The following RBFOX1 variants were observed in gnomAD, a reference collection of about 807,000 sequenced individuals.
RBFOX1 encodes RNA binding fox-1 homolog 1.
A neutral mutation model predicts 57.7 loss-of-function variants in RBFOX1; 8 were observed. That is an observed-to-expected ratio of 0.14 (90% CI 0.08 to 0.25). RBFOX1 has a LOEUF of 0.25. Among genes scored for constraint, RBFOX1 ranks in the 10% least tolerant of loss-of-function variants. The pLI, the probability that RBFOX1 is intolerant of heterozygous loss-of-function variation, is 1.00. For synonymous variants in RBFOX1, 326 were observed against 222.4 expected (o/e 1.47, Z -4.15); for missense variants, 611 against 548.5 (o/e 1.11, Z -1.14).
At chr16:6,334,437 G>C (rs1034310133) in intron 2 of RBFOX1, among the ~76,000 whole-genome samples, 4 of 148,070 alleles carry the variant, frequency 2.7e-5, no homozygotes, top group Non-Finnish European at 5.9e-5. Flanking sequence ...GAACCCAGGA[G>C]GTCTAGGTTG....
At chr16:5,833,323 C>T (rs1437784334) in intron 3 of RBFOX1, among the ~76,000 whole-genome samples, 1 of 151,864 alleles carries the variant, frequency 6.6e-6, no homozygotes, top group Admixed American at 6.6e-5. Context: ...GAAACCCCAT[C>T]TCTACTAAAA....
intron 14 of RBFOX1, among the ~76,000 whole-genome samples, chr16:7,700,501 A>C (rs540478717): frequency 6.6e-6 from 1 of 152,284 alleles, no homozygotes; most frequent in East Asian, 1.9e-4. Flanking sequence ...AAAATCTCAT[A>C]AGGGATACAA....
intron 3 of RBFOX1, among the ~76,000 whole-genome samples, chr16:5,833,772 T>TTTC (rs2056363531): frequency 6.6e-6 from 1 of 152,090 alleles, no homozygotes; most frequent in Admixed American, 6.5e-5. Flanking sequence ...TTCCCTTGTC[T>TTTC]TTCTACTTAG....
chr16:6,845,082 C>A (rs1031271217), intron 3 of RBFOX1, among the ~76,000 whole-genome samples: 1 of 152,126 alleles, frequency 6.6e-6, no homozygotes, highest in Non-Finnish European at 1.5e-5. Context: ...GGATATTAGA[C>A]CTTTGTCAGA....
intron 2 of RBFOX1, among the ~76,000 whole-genome samples, chr16:5,502,881 T>G (rs894708619): frequency 6.6e-6 from 1 of 152,160 alleles, no homozygotes; most frequent in Admixed American, 6.5e-5. Context: ...GCAATTCTGA[T>G]TGAGATCTTG....
intron 4 of RBFOX1, among the ~76,000 whole-genome samples, chr16:7,138,987 A>G (rs1474505314): frequency 6.6e-6 from 1 of 152,114 alleles, no homozygotes; most frequent in Non-Finnish European, 1.5e-5. Context: ...TATTTTTAGT[A>G]GAGACAGGTT....
chr16:6,883,669 C>G (rs146312490), intron 3 of RBFOX1, among the ~76,000 whole-genome samples: 402 of 152,274 alleles, frequency 2.6e-3, no homozygotes, highest in African/African-American at 9.0e-3. Context: ...AGTATTGAAA[C>G]CTTGCCTCCC....
intron 5 of RBFOX1, among the ~76,000 whole-genome samples, chr16:7,554,327 T>A (rs2087596802): frequency 6.6e-6 from 1 of 152,234 alleles, no homozygotes; most frequent in South Asian, 2.1e-4. Context: ...CCATGCATTA[T>A]TTTATCCTTA....
intron 3 of RBFOX1, among the ~76,000 whole-genome samples, chr16:6,678,467 G>C (rs939686391): frequency 5.9e-5 from 9 of 151,728 alleles, no homozygotes; most frequent in Non-Finnish European, 1.3e-4. Context: ...GTGTGTATCT[G>C]TGTGCGTGTA....
chr16:5,592,563 CCCA>C (rs771014825), intron 2 of RBFOX1, among the ~76,000 whole-genome samples: 7 of 152,072 alleles, frequency 4.6e-5, no homozygotes, highest in South Asian at 4.2e-4. Context: ...ATTACAGACT[CCCA>C]CCACCATGCC....
chr16:7,182,658 G>A (rs1602113403), intron 4 of RBFOX1, among the ~76,000 whole-genome samples: 2 of 152,288 alleles, frequency 1.3e-5, no homozygotes, highest in South Asian at 4.1e-4. Flanking sequence ...GATTCCAGAG[G>A]AGGAAGAGCG....
intron 4 of RBFOX1, among the ~76,000 whole-genome samples, chr16:7,310,614 C>T (rs879724218): frequency 2.6e-5 from 4 of 152,184 alleles, no homozygotes; most frequent in Non-Finnish European, 5.9e-5. Flanking sequence ...TTCCTAAGTC[C>T]TGCCAATCTA....
chr16:7,584,008 G>T (rs188587809), intron 6 of RBFOX1, among the ~76,000 whole-genome samples: 1 of 152,150 alleles, frequency 6.6e-6, no homozygotes, highest in Non-Finnish European at 1.5e-5. Context: ...TTAATGGAAA[G>T]TTCCATCTAC....
intron 3 of RBFOX1, among the ~76,000 whole-genome samples, chr16:6,769,840 A>G (rs1166003572): frequency 6.6e-6 from 1 of 152,200 alleles, no homozygotes; most frequent in Admixed American, 6.5e-5. Context: ...TTCTGAGGAC[A>G]ACTCACCACG....
At chr16:6,756,487 C>T (rs1474030838) in intron 3 of RBFOX1, among the ~76,000 whole-genome samples, 1 of 152,088 alleles carries the variant, frequency 6.6e-6, no homozygotes, top group Non-Finnish European at 1.5e-5. Flanking sequence ...GACTAAACAG[C>T]TTTGGCACAA....
At chr16:5,558,124 C>G (rs2045749296) in intron 2 of RBFOX1, among the ~76,000 whole-genome samples, 1 of 152,168 alleles carries the variant, frequency 6.6e-6, no homozygotes, top group South Asian at 2.1e-4. Flanking sequence ...TGTACTCATC[C>G]TCCCAGCCCA....
intron 2 of RBFOX1, among the ~76,000 whole-genome samples, chr16:6,604,116 C>T (rs1423129180): frequency 6.6e-6 from 1 of 151,944 alleles, no homozygotes; most frequent in Non-Finnish European, 1.5e-5. Context: ...TGCTTCTCTC[C>T]ACTCCCCTTA....
chr16:7,125,970 C>T lies in RBFOX1; in HGVS notation c.27+73872C>T, dbSNP rs528719929. ...TGGTGGCACACACCCGTAATCCCAG[C>T]TGCTCGGGAGGCTGAGGCAGGAGAA... On this transcript the variant is annotated intron_variant, in intron 4 of 15. Transcript: ENST00000550418. 7.2e-5 allele frequency among the ~76,000 whole-genome samples: 11 copies of T among 152,180 alleles called. No homozygotes were observed. In the South Asian group the frequency reaches 2.3e-3, roughly 32 times the overall value.
At chr16:6,845,021 T>G (rs970299718) in intron 3 of RBFOX1, among the ~76,000 whole-genome samples, 10 of 152,288 alleles carry the variant, frequency 6.6e-5, no homozygotes, top group Admixed American at 5.2e-4. Flanking sequence ...GCCCACTTTT[T>G]CATGGGGTTA....
Sources: gnomAD v4.1 joint callset for allele counts (sites outside exome capture counted in the v4.1 genomes callset) on GRCh38, gnomAD v4.1.1 for gene constraint, MANE v1.5 for transcripts, NCBI Gene and HGNC (gene_info 2026-07-23, HGNC 2026-07-21) for gene names.